Variants in CHD7 observed in about 807,000 individuals in gnomAD.
The protein encoded by CHD7 is ATP-dependent chromatin remodeler CHD7.
In CHD7, 24 loss-of-function variants were observed where a neutral mutation model predicts 307.3. That is an observed-to-expected ratio of 0.08 (90% CI 0.06 to 0.11). The LOEUF (loss-of-function observed/expected upper bound fraction) is 0.11. Ranked by LOEUF, CHD7 falls within the 10% of genes least tolerant of loss-of-function variation. The pLI, the probability that CHD7 is intolerant of heterozygous loss-of-function variation, is 1.00. For synonymous variants in CHD7, 1,363 were observed against 1,349.9 expected (o/e 1.01, Z -0.21); for missense variants, 3,106 against 3,727.1 (o/e 0.83, Z 4.34).
At chr8:60,757,573 T>C (rs765888163) in intron 2 of CHD7, among the ~76,000 whole-genome samples, 2 of 152,218 alleles carry the variant, frequency 1.3e-5, no homozygotes, top group African/African-American at 2.4e-5. Flanking sequence ...CCTAAAGAGG[T>C]TGGTGTCCCA....
chr8:60,714,406 G>GCCCCCCCCC lies in CHD7; in HGVS notation c.-174-26840_-174-26832dup, dbSNP rs71245516. 5.7e-3 allele frequency among the ~76,000 whole-genome samples: 101 copies of GCCCCCCCCC among 17,626 alleles called. 31 individuals are homozygous for GCCCCCCCCC. Among genetic ancestry groups the GCCCCCCCCC allele is most frequent in the Non-Finnish European group, 7.8e-3 (64 of 8,180 alleles). The allele number at this position is 17,626 out of a possible 152,430, so 11.6% of individuals were successfully genotyped here. On this transcript the variant is annotated intron_variant, in intron 1 of 37. Transcript: ENST00000423902. The stretch of plus-strand genomic sequence containing the variant: ...CTGACAACATGGCGGCCGGGAGAAG[G>GCCCCCCCCC]CCCCCCCCCCCCCCCCCCCCCGCCC...
intron 2 of CHD7, among the ~76,000 whole-genome samples, chr8:60,777,099 T>G (rs1810988255): frequency 1.3e-5 from 2 of 152,222 alleles, no homozygotes; most frequent in African/African-American, 2.4e-5. Context: ...TTGCCTCCCT[T>G]TAGCTTAATT....
At chr8:60,715,344 T>C (rs1807539681) in intron 1 of CHD7, among the ~76,000 whole-genome samples, 1 of 151,222 alleles carries the variant, frequency 6.6e-6, no homozygotes, top group Admixed American at 6.6e-5. Context: ...TTTTTTTTTT[T>C]TGGGAGTCTT....
chr8:60,818,944 A>G (rs758189201), intron 8 of CHD7, among the ~76,000 whole-genome samples: 23 of 152,186 alleles, frequency 1.5e-4, no homozygotes, highest in Non-Finnish European at 3.2e-4. Flanking sequence ...TCTTTTGGGT[A>G]TGGCTTAGTC....
chr8:60,749,961 C>A (rs777615697), intron 2 of CHD7, among the ~76,000 whole-genome samples: 1 of 152,188 alleles, frequency 6.6e-6, no homozygotes, highest in Non-Finnish European at 1.5e-5. Context: ...TCCTCAACAT[C>A]CAACAAGCTG....
chr8:60,795,269 A>G (rs529267268), intron 4 of CHD7, 142 bp downstream of exon 4: 2 of 786,660 alleles, frequency 2.5e-6, no homozygotes, highest in East Asian at 2.7e-5. Flanking sequence ...CATTATCTCC[A>G]TAGCGATGTA....
In CHD7 at chr8:60,816,109, G is replaced by GTC. The variant is rs1175311453; in HGVS notation, c.2499-276_2499-275dup. Among the ~76,000 whole-genome samples, 64 of 67,058 alleles carry GTC rather than the reference G, an allele frequency of 9.5e-4. 1 individual carries two copies. Among genetic ancestry groups the GTC allele is most frequent in the Admixed American group, 5.7e-4 (4 of 6,988 alleles). 44.0% of individuals were successfully genotyped at this position (67,058 alleles called of 152,430 possible). ...CTCTGTCTCTTTTGTCTGTCTGTCT[G>GTC]TCTGTCTCTCTCTCTCTCTCTCTCT... On this transcript the variant is annotated intron_variant, in intron 7 of 37. Transcript: ENST00000423902.
intron 18 of CHD7, 74 bp downstream of exon 18, chr8:60,837,909 T>C: frequency 7.1e-7 from 1 of 1,413,238 alleles, no homozygotes; most frequent in Admixed American, 2.4e-5. Flanking sequence ...AAGAAATTAC[T>C]CAGCCTTTGA....
intron 2 of CHD7, 99 bp from the exon 3 acceptor site, chr8:60,780,895 CCTGAGT>C: frequency 7.6e-7 from 1 of 1,321,444 alleles, no homozygotes. Context: ...ATATTTGCTA[CCTGAGT>C]ATAGAATAAG....
At chr8:60,862,937 C>T (rs1339143745) in intron 37 of CHD7, 2 of 365,368 alleles carry the variant, frequency 5.5e-6, no homozygotes, top group East Asian at 9.8e-5. Context: ...GCCTACTTAA[C>T]AGCTCACCTG....
chr8:60,756,335 A>T (rs1809890826), intron 2 of CHD7, among the ~76,000 whole-genome samples: 1 of 152,236 alleles, frequency 6.6e-6, no homozygotes, highest in African/African-American at 2.4e-5. Flanking sequence ...AGTCATCTAT[A>T]CATGGTAATG....
At position 60,808,208 on chromosome 8, in the gene CHD7, T is replaced by C; in HGVS notation, c.2443-9T>C. 6.3e-7 allele frequency: 1 copy of C among 1,583,028 alleles called. No homozygotes were observed. Among genetic ancestry groups the C allele is most frequent in the Non-Finnish European group, 8.6e-7 (1 of 1,156,538 alleles). Reference sequence around the variant, plus strand: ...TTAAATACATGCCTGAAATTTTCTTTTGTTGCAGAAGGAATCTGGAGAGGA... The same window carrying C: ...TTAAATACATGCCTGAAATTTTCTTCTGTTGCAGAAGGAATCTGGAGAGGA... On this transcript the variant is annotated splice_polypyrimidine_tract_variant and intron_variant, in intron 6 of 37. Coordinates refer to ENST00000423902, the MANE Select transcript of CHD7 (RefSeq NM_017780.4).
rs1563562918 is a variant in CHD7 at position 60,743,164 on chromosome 8, G to A, written c.1665+67G>A. 5 of 1,381,576 alleles carry A rather than the reference G, an allele frequency of 3.6e-6. No individual in the cohort carries two copies. The South Asian group carries it at 3.7e-5, about 10-fold the overall frequency. The allele number at this position is 1,381,576 out of a possible 1,614,324, so 85.6% of individuals were successfully genotyped here. A position where few individuals can be genotyped will look rare whatever the true frequency, so the allele number is the denominator to read the frequency against. On this transcript the variant is annotated intron_variant, in intron 2 of 37. Transcript: ENST00000423902. ...TTCAACATGGCTAACTTGTCTGATC[G>A]AATTTTTCTTTAAACTCTATGAAAA...
At chr8:60,800,215 G>A (rs1358127970) in intron 4 of CHD7, among the ~76,000 whole-genome samples, 173 bp from the exon 5 acceptor site, 2 of 152,014 alleles carry the variant, frequency 1.3e-5, no homozygotes, top group African/African-American at 4.8e-5. Flanking sequence ...TGTATTTTTA[G>A]TAGAGACGGT....
rs529334954 is a variant in CHD7, at chr8:60,730,036, T to G, written c.-174-11223T>G. ...AATATGTGAGCCAGAAGCATGTCAT[T>G]ACAGTCAATGCTCAATGATGTAGAA... On this transcript the variant is annotated intron_variant, in intron 1 of 37. Transcript: ENST00000423902. 3.3e-5 allele frequency among the ~76,000 whole-genome samples: 5 copies of G among 152,348 alleles called. No individual in the cohort carries two copies. In the East Asian group the frequency reaches 9.6e-4, roughly 29 times the overall value.
intron 2 of CHD7, among the ~76,000 whole-genome samples, chr8:60,770,567 A>G (rs532776413): frequency 6.6e-6 from 1 of 152,354 alleles, no homozygotes; most frequent in African/African-American, 2.4e-5. Flanking sequence ...TGTAATATGC[A>G]GCAAACTTTC....
chr8:60,743,174 TTAAACTC>T, intron 2 of CHD7, 77 bp downstream of exon 2: 1 of 1,272,284 alleles, frequency 7.9e-7, no homozygotes, highest in Non-Finnish European at 1.1e-6. Context: ...GAATTTTTCT[TTAAACTC>T]TATGAAAAGC....
At chr8:60,848,323 T>C (rs571816470) in intron 23 of CHD7, among the ~76,000 whole-genome samples, 192 bp from the exon 24 acceptor site, 1 of 152,334 alleles carries the variant, frequency 6.6e-6, no homozygotes, top group African/African-American at 2.4e-5. Flanking sequence ...CAGGCAGGCC[T>C]GTTGGAAGCC....
chr8:60,850,713 A>G, intron 26 of CHD7, 91 bp downstream of exon 26: 2 of 1,306,942 alleles, frequency 1.5e-6, no homozygotes, highest in Non-Finnish European at 1.1e-6. Context: ...TACACACTGT[A>G]TTGTGTCTGA....
Sources: allele counts gnomAD v4.1 joint callset (sites outside exome capture counted in the v4.1 genomes callset), GRCh38; gene constraint gnomAD v4.1.1; transcripts MANE v1.5; gene names NCBI Gene and HGNC (gene_info 2026-07-23, HGNC 2026-07-21).